Variants in NKAIN3 observed in about 807,000 individuals in gnomAD.
The protein encoded by NKAIN3 is sodium/potassium-transporting ATPase subunit beta-1-interacting protein 3.
A neutral mutation model predicts 30.2 loss-of-function variants in NKAIN3; 25 were observed. That is an observed-to-expected ratio of 0.83 (90% CI 0.60 to 1.16). The LOEUF is 1.16. NKAIN3 is among the 50% of genes most tolerant of loss of function. The pLI, the probability that NKAIN3 is intolerant of heterozygous loss-of-function variation, is 0.00. For synonymous variants in NKAIN3, 91 were observed against 89.6 expected (o/e 1.02, Z -0.09); for missense variants, 225 against 254.1 (o/e 0.89, Z 0.78).
chr8:62,407,809 A>T (rs1804121958), intron 1 of NKAIN3, among the ~76,000 whole-genome samples: 1 of 152,126 alleles, frequency 6.6e-6, no homozygotes, highest in Non-Finnish European at 1.5e-5. Flanking sequence ...ACGTGGGAGG[A>T]TGGTTTGAGG....
intron 1 of NKAIN3, among the ~76,000 whole-genome samples, chr8:62,506,833 T>A (rs2129713670): frequency 6.6e-6 from 1 of 152,252 alleles, no homozygotes; most frequent in East Asian, 1.9e-4. Flanking sequence ...GGTGACCATG[T>A]CAGAATTTGC....
chr8:62,299,713 T>C lies in NKAIN3; in HGVS notation c.54+50586T>C, dbSNP rs1813976086. On this transcript the variant is annotated intron_variant, in intron 1 of 6. Transcript: ENST00000623646. Reference sequence around the variant, plus strand: ...TACCCCAAATTTTTCTGCTTCCTATTTTTATGGCAATGTTCATATATAGTC... The same window carrying C: ...TACCCCAAATTTTTCTGCTTCCTATCTTTATGGCAATGTTCATATATAGTC... Among the ~76,000 whole-genome samples the C allele has an allele frequency of 1.3e-5, 2 of 152,222 alleles. 1 individual carries two copies. Among genetic ancestry groups the C allele is most frequent in the Middle Eastern group, 6.8e-3 (2 of 294 alleles).
At chr8:62,959,632 T>C (rs139141764) in intron 6 of NKAIN3, among the ~76,000 whole-genome samples, 1 of 152,296 alleles carries the variant, frequency 6.6e-6, no homozygotes, top group East Asian at 1.9e-4. Context: ...TCACATCTTA[T>C]ATTTATCCAG....
chr8:62,888,042 C>G (rs1821198263), intron 4 of NKAIN3, among the ~76,000 whole-genome samples: 1 of 152,120 alleles, frequency 6.6e-6, no homozygotes, highest in African/African-American at 2.4e-5. Context: ...GGAAGTGATG[C>G]ATTTTACAGC....
chr8:62,707,584 C>G (rs1814574916), intron 3 of NKAIN3, among the ~76,000 whole-genome samples: 1 of 151,840 alleles, frequency 6.6e-6, no homozygotes, highest in South Asian at 2.1e-4. Flanking sequence ...TTGTTTTTTT[C>G]TTACTGATTT....
At chr8:62,480,935 C>G (rs1323194747) in intron 1 of NKAIN3, among the ~76,000 whole-genome samples, 2 of 152,072 alleles carry the variant, frequency 1.3e-5, no homozygotes, top group African/African-American at 4.8e-5. Flanking sequence ...AGAGGGCACC[C>G]TGACCGGGAA....
chr8:62,869,444 T>C (rs1820524077), intron 4 of NKAIN3, among the ~76,000 whole-genome samples: 1 of 152,198 alleles, frequency 6.6e-6, no homozygotes, highest in African/African-American at 2.4e-5. Context: ...TCTGTTCCTG[T>C]GTTAGTTTGC....
chr8:62,938,224 T>C (rs1822848272), intron 5 of NKAIN3, among the ~76,000 whole-genome samples: 1 of 152,080 alleles, frequency 6.6e-6, no homozygotes, highest in East Asian at 1.9e-4. Flanking sequence ...GGGAAGTTTG[T>C]ATCCTCCCTA....
intron 4 of NKAIN3, among the ~76,000 whole-genome samples, chr8:62,869,616 A>G (rs1183859950): frequency 6.6e-6 from 1 of 152,190 alleles, no homozygotes; most frequent in African/African-American, 2.4e-5. Context: ...CGGCTAAAAC[A>G]AAGCAGGCAG....
intron 1 of NKAIN3, among the ~76,000 whole-genome samples, chr8:62,539,591 G>T (rs1808775216): frequency 6.6e-6 from 1 of 152,112 alleles, no homozygotes; most frequent in Admixed American, 6.5e-5. Flanking sequence ...TTGTTTGTTT[G>T]TTTGTTTGTT....
At chr8:62,914,367 G>T (rs1822016871) in intron 4 of NKAIN3, among the ~76,000 whole-genome samples, 1 of 152,122 alleles carries the variant, frequency 6.6e-6, no homozygotes, top group Non-Finnish European at 1.5e-5. Context: ...GGAGGAAGAA[G>T]AGGAGCAGAA....
chr8:62,652,313 G>A (rs144363316), intron 3 of NKAIN3, among the ~76,000 whole-genome samples: 1 of 152,104 alleles, frequency 6.6e-6, no homozygotes, highest in African/African-American at 2.4e-5. Flanking sequence ...AATAACTTTT[G>A]GCCTTTAATA....
chr8:62,571,137 TTA>T (rs1434936041), intron 1 of NKAIN3, among the ~76,000 whole-genome samples: 4 of 94,526 alleles, frequency 4.2e-5, no homozygotes, highest in East Asian at 6.8e-4. Flanking sequence ...TGAAATAGGC[TTA>T]TTTTTTTTTT....
intron 4 of NKAIN3, among the ~76,000 whole-genome samples, chr8:62,840,158 AAATATAT>A (rs1819489114): frequency 6.6e-6 from 1 of 152,108 alleles, no homozygotes; most frequent in Non-Finnish European, 1.5e-5. Context: ...TAGGAGAAAC[AAATATAT>A]TTCTGGCATA....
intron 3 of NKAIN3, among the ~76,000 whole-genome samples, chr8:62,623,323 A>C (rs1465669871): frequency 6.6e-6 from 1 of 152,136 alleles, no homozygotes; most frequent in African/African-American, 2.4e-5. Context: ...AATAAAATTT[A>C]TGTATATAAC....
At chr8:62,715,751 T>C (rs144511994) in intron 3 of NKAIN3, among the ~76,000 whole-genome samples, 2 of 152,272 alleles carry the variant, frequency 1.3e-5, no homozygotes, top group African/African-American at 4.8e-5. Flanking sequence ...TGCTGCCTGG[T>C]GGGAGTTGGA....
At chr8:62,366,724 C>G (rs752418972) in intron 1 of NKAIN3, among the ~76,000 whole-genome samples, 1 of 152,004 alleles carries the variant, frequency 6.6e-6, no homozygotes, top group Non-Finnish European at 1.5e-5. Context: ...TTTTTTCTTT[C>G]CTCGTACTAA....
chr8:62,654,616 T>C (rs1812715248), intron 3 of NKAIN3, among the ~76,000 whole-genome samples: 1 of 152,206 alleles, frequency 6.6e-6, no homozygotes, highest in Non-Finnish European at 1.5e-5. Flanking sequence ...ACAATGGTAG[T>C]GTCCTTGAAG....
At position 62,970,768 on chromosome 8, in the gene NKAIN3, C is replaced by T. The variant is rs1423394200; in HGVS notation, c.*5361C>T. Among the ~76,000 whole-genome samples, 2 of 152,086 alleles carry T rather than the reference C, an allele frequency of 1.3e-5. No individual in the cohort carries two copies. Among genetic ancestry groups the T allele is most frequent in the African/African-American group, 4.8e-5 (2 of 41,424 alleles). On this transcript the variant is annotated 3_prime_UTR_variant, in exon 7 of 7. Transcript: ENST00000623646. ...TTAACTCAGAATTTTGTTCTTGTTT[C>T]TTTGATTGACTAAAAACATTGAATC...
Sources: allele counts gnomAD v4.1 joint callset (sites outside exome capture counted in the v4.1 genomes callset), GRCh38; gene constraint gnomAD v4.1.1; transcripts MANE v1.5; gene names NCBI Gene and HGNC (gene_info 2026-07-23, HGNC 2026-07-21).